The following NSMCE2 variants were observed in gnomAD, a reference collection of about 807,000 sequenced individuals.
NSMCE2 encodes NSE2 SUMO ligase component of SMC5/6 complex.
Under a neutral mutation model 23.8 loss-of-function variants are expected in NSMCE2, and 24 were observed. That is an observed-to-expected ratio of 1.01 (90% CI 0.73 to 1.42). The LOEUF (loss-of-function observed/expected upper bound fraction) is 1.42, where lower values mean the gene tolerates loss of function less well. Among genes scored for constraint, NSMCE2 ranks in the 40% most tolerant of loss-of-function variants. The probability of loss-of-function intolerance (pLI) is 0.00; values close to 1 mark genes in which losing one functional copy is unlikely to be tolerated. For synonymous variants in NSMCE2, 92 were observed against 94.1 expected, an observed-to-expected ratio of 0.98 and a Z score of 0.13; for missense variants, 284 against 296.5, an observed-to-expected ratio of 0.96 and a Z score of 0.31.
At chr8:125,358,993 G>A (rs976725103) in intron 7 of NSMCE2, among the ~76,000 whole-genome samples, 5 of 152,046 alleles carry the variant, frequency 3.3e-5, no homozygotes, top group Non-Finnish European at 5.9e-5. Flanking sequence ...TCGGCCAGGC[G>A]CGGTGGCTCA....
At chr8:125,211,562 G>A (rs1824347001) in intron 5 of NSMCE2, among the ~76,000 whole-genome samples, 1 of 152,218 alleles carries the variant, frequency 6.6e-6, no homozygotes, top group Non-Finnish European at 1.5e-5. Context: ...TACACATACA[G>A]AAGTCCACAC....
At chr8:125,258,312 C>T (rs1435877603) in intron 5 of NSMCE2, among the ~76,000 whole-genome samples, 1 of 152,124 alleles carries the variant, frequency 6.6e-6, no homozygotes, top group Admixed American at 6.5e-5. Flanking sequence ...AAAATGGAAA[C>T]AAGGGCTAGC....
intron 5 of NSMCE2, among the ~76,000 whole-genome samples, chr8:125,352,574 C>T (rs1365419802): frequency 6.6e-6 from 1 of 151,894 alleles, no homozygotes; most frequent in Non-Finnish European, 1.5e-5. Flanking sequence ...TAGAACAACA[C>T]ATTGATTTAT....
chr8:125,147,173 A>C (rs1021047960), intron 3 of NSMCE2, among the ~76,000 whole-genome samples: 3 of 152,222 alleles, frequency 2.0e-5, no homozygotes, highest in African/African-American at 4.8e-5. Flanking sequence ...CCACCACTCC[A>C]GTGCTGGTGC....
intron 5 of NSMCE2, among the ~76,000 whole-genome samples, chr8:125,356,234 A>AT (rs1330375544): frequency 7.2e-6 from 1 of 139,432 alleles, no homozygotes; most frequent in South Asian, 2.4e-4. Flanking sequence ...GTCTGTGTGT[A>AT]TGGGGGGGGG....
chr8:125,094,662 TG>T (rs1817842349), intron 1 of NSMCE2: 1 of 152,246 alleles, frequency 6.6e-6, no homozygotes, highest in Non-Finnish European at 1.5e-5. Flanking sequence ...TACCATAGAC[TG>T]GGTGGCTTAA....
intron 5 of NSMCE2, among the ~76,000 whole-genome samples, chr8:125,236,738 A>T (rs553032262): frequency 6.6e-6 from 1 of 152,070 alleles, no homozygotes; most frequent in South Asian, 2.1e-4. Context: ...TTTGACTAAC[A>T]TCTCTGCCCA....
chr8:125,244,845 A>G (rs141589337), intron 5 of NSMCE2, among the ~76,000 whole-genome samples: 2 of 152,352 alleles, frequency 1.3e-5, no homozygotes, highest in African/African-American at 4.8e-5. Context: ...TTCGCACACA[A>G]AAAAAGATAT....
chr8:125,159,000 G>A (rs1821462847), intron 4 of NSMCE2, among the ~76,000 whole-genome samples: 1 of 152,180 alleles, frequency 6.6e-6, no homozygotes, highest in Admixed American at 6.5e-5. Context: ...TATTAAACAG[G>A]AAATTACAGA....
intron 5 of NSMCE2, among the ~76,000 whole-genome samples, chr8:125,210,616 A>T (rs527842691): frequency 1.3e-5 from 2 of 152,172 alleles, no homozygotes; most frequent in South Asian, 4.2e-4. Flanking sequence ...TTCAGCCTAA[A>T]AATTGCCTCA....
In NSMCE2 at chr8:125,250,501, A is replaced by G. The variant is rs185787846; in HGVS notation, c.418+68245A>G. 1.2e-3 allele frequency among the ~76,000 whole-genome samples: 176 copies of G among 152,298 alleles called. 1 individual carries two copies. The highest frequency in any genetic ancestry group is 3.9e-3 in the African/African-American group (164 of 41,564). On this transcript the variant is annotated intron_variant, in intron 5 of 7. Transcript: ENST00000287437. ...TACTGTTTCCTTACTGTAAGTAAAC[A>G]TTTATTAACTAAAAACAACCTGCTT... is the stretch of plus-strand genomic sequence containing the variant.
intron 7 of NSMCE2, among the ~76,000 whole-genome samples, chr8:125,361,466 G>T (rs1271649823): frequency 1.3e-5 from 2 of 152,186 alleles, no homozygotes; most frequent in Non-Finnish European, 2.9e-5. Context: ...ATAGAAATGG[G>T]TCATTCGACA....
chr8:125,290,822 A>G (rs1331567208), intron 5 of NSMCE2, among the ~76,000 whole-genome samples: 1 of 152,244 alleles, frequency 6.6e-6, no homozygotes, highest in Non-Finnish European at 1.5e-5. Flanking sequence ...AAGGAAGCAT[A>G]AAGTAAAAAG....
intron 5 of NSMCE2, among the ~76,000 whole-genome samples, chr8:125,241,769 A>G (rs527668270): frequency 1.3e-5 from 2 of 152,360 alleles, no homozygotes; most frequent in South Asian, 2.1e-4. Context: ...TGAAAATATA[A>G]GAATTGGAAA....
rs553249032 is a variant in NSMCE2 at position 125,225,771 on chromosome 8, A to G, written c.418+43515A>G. ...ACAAAGCAAAGCTATCTGCAAGGAC[A>G]TTTTAGTTTTCACTTCAAGCATCAT... is the stretch of plus-strand genomic sequence containing the variant. On this transcript the variant is annotated intron_variant, in intron 5 of 7. Transcript: ENST00000287437. Among the ~76,000 whole-genome samples, 78 of 152,352 alleles carry G rather than the reference A, an allele frequency of 5.1e-4. 1 individual carries two copies. Among genetic ancestry groups the G allele is most frequent in the Non-Finnish European group, 7.4e-4 (50 of 68,026 alleles).
At chr8:125,110,090 C>T (rs916596827) in intron 3 of NSMCE2, among the ~76,000 whole-genome samples, 5 of 152,088 alleles carry the variant, frequency 3.3e-5, no homozygotes, top group African/African-American at 1.2e-4. Flanking sequence ...TGAGGAATCT[C>T]CCTTCTCTAA....
intron 5 of NSMCE2, among the ~76,000 whole-genome samples, chr8:125,340,153 T>C (rs1003603453): frequency 4.0e-5 from 6 of 151,640 alleles, no homozygotes; most frequent in Admixed American, 2.0e-4. Flanking sequence ...TAGCTGGGAC[T>C]ACAGGCGCCC....
At chr8:125,134,588 G>A (rs944555641) in intron 3 of NSMCE2, among the ~76,000 whole-genome samples, 1 of 151,974 alleles carries the variant, frequency 6.6e-6, no homozygotes, top group South Asian at 2.1e-4. Flanking sequence ...CAAATCTTGT[G>A]TTGCCATTTG....
chr8:125,311,557 A>G (rs143902556), intron 5 of NSMCE2, among the ~76,000 whole-genome samples: 7 of 152,364 alleles, frequency 4.6e-5, no homozygotes, highest in African/African-American at 7.2e-5. Flanking sequence ...ATGTTGTGCA[A>G]TATGTCAGCA....
Sources: allele counts gnomAD v4.1 joint callset (sites outside exome capture counted in the v4.1 genomes callset), GRCh38; gene constraint gnomAD v4.1.1; transcripts MANE v1.5; gene names NCBI Gene and HGNC (gene_info 2026-07-23, HGNC 2026-07-21).